The following LDLRAD3 variants were observed in gnomAD, a reference collection of about 807,000 sequenced individuals.
LDLRAD3 encodes the protein low density lipoprotein receptor class A domain containing 3.
LDLRAD3 carries 20 observed loss-of-function variants against 29.4 expected under a neutral mutation model. The ratio of observed to expected loss-of-function variants is 0.68; its 90% CI spans 0.48 to 0.99. The LOEUF (loss-of-function observed/expected upper bound fraction) is 0.99, where lower values mean the gene tolerates loss of function less well. Among genes scored for constraint, LDLRAD3 ranks in the 50% least tolerant of loss-of-function variants. LDLRAD3 has a pLI of 0.00. For synonymous variants in LDLRAD3, 157 were observed against 192.7 expected, an observed-to-expected ratio of 0.81 and a Z score of 1.53; for missense variants, 420 against 454.3, an observed-to-expected ratio of 0.92 and a Z score of 0.69.
intron 1 of LDLRAD3, among the ~76,000 whole-genome samples, chr11:35,983,285 TAAATA>T (rs955250513): frequency 5.9e-5 from 9 of 152,246 alleles, no homozygotes; most frequent in Non-Finnish European, 1.2e-4. Context: ...GTGTATAGAT[TAAATA>T]AAAGATACCA....
chr11:36,024,125 C>T (rs908164825), intron 1 of LDLRAD3, among the ~76,000 whole-genome samples: 3 of 152,084 alleles, frequency 2.0e-5, no homozygotes, highest in Non-Finnish European at 4.4e-5. Context: ...TACACCCACT[C>T]TAGAGAGGCA....
intron 2 of LDLRAD3, among the ~76,000 whole-genome samples, chr11:36,079,147 G>T (rs1853069606): frequency 3.3e-5 from 5 of 152,224 alleles, no homozygotes; most frequent in Admixed American, 3.3e-4. Context: ...ACTGCAGCTG[G>T]TGTGATGGCA....
intron 4 of LDLRAD3, among the ~76,000 whole-genome samples, chr11:36,188,957 C>A (rs1854897267): frequency 6.6e-6 from 1 of 151,640 alleles, no homozygotes; most frequent in South Asian, 2.1e-4. Context: ...AATGGTGAAG[C>A]CCACAACCAA....
intron 4 of LDLRAD3, among the ~76,000 whole-genome samples, chr11:36,202,083 C>T (rs1045079980): frequency 2.1e-5 from 3 of 144,534 alleles, no homozygotes; most frequent in South Asian, 2.2e-4. Context: ...TCACTCTTCT[C>T]GCCTAGGCTG....
chr11:36,052,781 A>G (rs1441320482), intron 2 of LDLRAD3, among the ~76,000 whole-genome samples: 1 of 152,202 alleles, frequency 6.6e-6, no homozygotes, highest in Non-Finnish European at 1.5e-5. Flanking sequence ...GAAAAGAATT[A>G]GCTATAGTTA....
At chr11:36,201,228 C>T (rs781122455) in intron 4 of LDLRAD3, among the ~76,000 whole-genome samples, 1 of 152,164 alleles carries the variant, frequency 6.6e-6, no homozygotes, top group Non-Finnish European at 1.5e-5. Flanking sequence ...GACAGCTGGA[C>T]CACTGACAGC....
intron 1 of LDLRAD3, among the ~76,000 whole-genome samples, chr11:36,020,801 G>A (rs1050314307): frequency 6.6e-5 from 10 of 152,138 alleles, no homozygotes; most frequent in African/African-American, 2.2e-4. Context: ...AGTTTTACCC[G>A]CTGTGGAATG....
At chr11:36,011,085 G>A (rs1369914624) in intron 1 of LDLRAD3, among the ~76,000 whole-genome samples, 1 of 152,300 alleles carries the variant, frequency 6.6e-6, no homozygotes, top group Non-Finnish European at 1.5e-5. Flanking sequence ...AATTACAGGC[G>A]TGAGCCACCG....
At chr11:36,191,992 A>G (rs1310273780) in intron 4 of LDLRAD3, among the ~76,000 whole-genome samples, 2 of 152,148 alleles carry the variant, frequency 1.3e-5, no homozygotes, top group Non-Finnish European at 2.9e-5. Context: ...TCCTCAAACT[A>G]AAGAATCACA....
intron 4 of LDLRAD3, among the ~76,000 whole-genome samples, chr11:36,140,992 T>TTCTCTCTCTCTCTCTC (rs557939353): frequency 0.02 from 2,204 of 109,938 alleles, 176 homozygotes; most frequent in East Asian, 0.032. Flanking sequence ...CTGTTGAGCT[T>TTCTCTCTCTCTCTCTC]TCTCTCTCTC....
intron 2 of LDLRAD3, among the ~76,000 whole-genome samples, chr11:36,067,016 A>G (rs568621020): frequency 2.0e-5 from 3 of 152,154 alleles, no homozygotes; most frequent in Non-Finnish European, 4.4e-5. Context: ...AGATTTCTGT[A>G]CAAGCCATAA....
At chr11:36,153,892 G>A (rs534696084) in intron 4 of LDLRAD3, among the ~76,000 whole-genome samples, 5 of 152,024 alleles carry the variant, frequency 3.3e-5, no homozygotes, top group Non-Finnish European at 5.9e-5. Flanking sequence ...AGAGGTAGGC[G>A]GGCCATGGGA....
chr11:35,999,085 T>G (rs995980183), intron 1 of LDLRAD3, among the ~76,000 whole-genome samples: 2 of 152,216 alleles, frequency 1.3e-5, no homozygotes, highest in African/African-American at 4.8e-5. Flanking sequence ...ACAGCTTTTA[T>G]TCAGTCACGA....
chr11:36,110,261 C>A (rs905970243), intron 4 of LDLRAD3, among the ~76,000 whole-genome samples: 2 of 152,166 alleles, frequency 1.3e-5, no homozygotes, highest in African/African-American at 2.4e-5. Flanking sequence ...TTTGTTACTG[C>A]GGTAATCTTT....
rs543842356 is a variant in LDLRAD3 at position 36,038,122 on chromosome 11, C to G, written c.193+1873C>G. On this transcript the variant is annotated intron_variant, in intron 2 of 5. Transcript: ENST00000315571. Reference sequence around the variant, plus strand: ...CCACGTTGCCCAGGTTGCTCTTGAACCCCTGAGCTCAATAATCCATCTACC... The same window carrying G: ...CCACGTTGCCCAGGTTGCTCTTGAAGCCCTGAGCTCAATAATCCATCTACC... Among the ~76,000 whole-genome samples the G allele has an allele frequency of 6.6e-5, 10 of 152,180 alleles. No individual in the cohort carries two copies. The South Asian group carries it at 2.1e-3, about 32-fold the overall frequency.
chr11:36,175,381 G>T (rs1854660462), intron 4 of LDLRAD3, among the ~76,000 whole-genome samples: 1 of 151,866 alleles, frequency 6.6e-6, no homozygotes, highest in South Asian at 2.1e-4. Flanking sequence ...TGTTTCTCTA[G>T]TTCCTTTAGG....
chr11:36,180,774 C>T (rs530686481), intron 4 of LDLRAD3, among the ~76,000 whole-genome samples: 7 of 151,994 alleles, frequency 4.6e-5, no homozygotes, highest in South Asian at 2.1e-4. Flanking sequence ...GGGTGGGGTG[C>T]GGATGGTGGC....
At chr11:35,998,308 C>T (rs1481482104) in intron 1 of LDLRAD3, among the ~76,000 whole-genome samples, 3 of 152,020 alleles carry the variant, frequency 2.0e-5, no homozygotes, top group African/African-American at 7.2e-5. Flanking sequence ...GGCATTTTTC[C>T]TCCTCCCTCT....
intron 4 of LDLRAD3, among the ~76,000 whole-genome samples, chr11:36,154,581 C>T (rs1854321081): frequency 6.6e-6 from 1 of 152,178 alleles, no homozygotes; most frequent in African/African-American, 2.4e-5. Flanking sequence ...ACCTGTGTTT[C>T]CTGAACTTAA....
Sources: allele counts gnomAD v4.1 joint callset (sites outside exome capture counted in the v4.1 genomes callset), GRCh38; gene constraint gnomAD v4.1.1; transcripts MANE v1.5; gene names NCBI Gene and HGNC (gene_info 2026-07-23, HGNC 2026-07-21).